ADGB: variants seen among roughly 807,000 people sequenced by gnomAD.
ADGB encodes the protein androglobin.
ADGB carries 172 observed loss-of-function variants against 210.5 expected under a neutral mutation model. That is an observed-to-expected ratio of 0.82 (90% confidence interval 0.72 to 0.93). ADGB has a LOEUF of 0.93. Among genes scored for constraint, ADGB ranks in the 40% least tolerant of loss-of-function variants. ADGB has a pLI of 0.00. For missense variants in ADGB, 2,025 were observed against 1,964.8 expected, an observed-to-expected ratio of 1.03 and a Z score of -0.58; for synonymous variants, 658 against 662.7, an observed-to-expected ratio of 0.99 and a Z score of 0.11.
chr6:146,752,428 A>T, intron 26 of ADGB, 102 bp from the exon 27 acceptor site: 2 of 1,047,298 alleles, frequency 1.9e-6, no homozygotes, highest in South Asian at 3.6e-5. Context: ...TCACAGTTTG[A>T]CAGCAGATTT....
At chr6:146,785,500 A>G in intron 31 of ADGB, 110 bp from the exon 32 acceptor site, 1 of 709,288 alleles carries the variant, frequency 1.4e-6, no homozygotes, top group Non-Finnish European at 2.3e-6. Context: ...TGCCCTATTT[A>G]ATTCACATTT....
At chr6:146,706,936 C>A (rs760981285) in intron 13 of ADGB, among the ~76,000 whole-genome samples, 2 of 130,254 alleles carry the variant, frequency 1.5e-5, no homozygotes, top group African/African-American at 3.0e-5. Flanking sequence ...AGTTTGCTTT[C>A]TTTTTTTCTA....
chr6:146,738,995 C>G (rs937373901), intron 23 of ADGB, among the ~76,000 whole-genome samples: 1 of 152,214 alleles, frequency 6.6e-6, no homozygotes, highest in Non-Finnish European at 1.5e-5. Flanking sequence ...ACTAAATCTT[C>G]CAACTCAGTC....
At chr6:146,718,071 A>G (rs965082702) in intron 16 of ADGB, among the ~76,000 whole-genome samples, 1 of 152,094 alleles carries the variant, frequency 6.6e-6, no homozygotes, top group African/African-American at 2.4e-5. Context: ...GAAATCCTTC[A>G]GAATAGCACA....
intron 12 of ADGB, among the ~76,000 whole-genome samples, chr6:146,698,297 T>C (rs1315365638): frequency 6.6e-6 from 1 of 152,212 alleles, no homozygotes; most frequent in African/African-American, 2.4e-5. Flanking sequence ...GTACCATCGG[T>C]CACACATATA....
At chr6:146,626,732 T>C (rs1396605106) in intron 1 of ADGB, among the ~76,000 whole-genome samples, 1 of 151,982 alleles carries the variant, frequency 6.6e-6, no homozygotes, top group Non-Finnish European at 1.5e-5. Flanking sequence ...TTCCTTGTAT[T>C]GTAACTTGGC....
intron 10 of ADGB, among the ~76,000 whole-genome samples, chr6:146,688,924 G>T (rs1323920001): frequency 6.6e-6 from 1 of 152,132 alleles, no homozygotes; most frequent in Non-Finnish European, 1.5e-5. Flanking sequence ...TTTATTTAAA[G>T]AAGTGGTAAA....
At chr6:146,784,212 A>G (rs1161740150) in intron 30 of ADGB, among the ~76,000 whole-genome samples, 1 of 152,148 alleles carries the variant, frequency 6.6e-6, no homozygotes. Context: ...GTAACAACTG[A>G]TCTTTCAGTC....
intron 29 of ADGB, among the ~76,000 whole-genome samples, chr6:146,781,783 T>C (rs965654932): frequency 1.3e-5 from 2 of 152,204 alleles, no homozygotes; most frequent in African/African-American, 4.8e-5. Context: ...CACAGTCTTA[T>C]AAATGTACCA....
intron 1 of ADGB, among the ~76,000 whole-genome samples, chr6:146,608,685 T>G (rs1780663770): frequency 6.6e-6 from 1 of 152,164 alleles, no homozygotes; most frequent in Non-Finnish European, 1.5e-5. Context: ...TATATGACTT[T>G]TAGAGATCTT....
At position 146,756,382 on chromosome 6, in the gene ADGB, C is replaced by T. The variant is rs188199553; in HGVS notation, c.3550+3668C>T. On this transcript the variant is annotated intron_variant, in intron 27 of 35. Coordinates refer to ENST00000397944, the MANE Select transcript of ADGB (RefSeq NM_024694.4). ...AGTTTTTGGTTTTGATCACTAACGT[C>T]GGGTAAGAATCCCATTTCCAGGGAG... is the stretch of plus-strand genomic sequence containing the variant. Among the ~76,000 whole-genome samples the T allele has an allele frequency of 1.8e-3, 267 of 152,168 alleles. 1 individual carries two copies. The highest frequency in any genetic ancestry group is 6.3e-3 in the African/African-American group (262 of 41,536).
At chr6:146,635,138 T>C (rs1747354657) in intron 1 of ADGB, among the ~76,000 whole-genome samples, 1 of 152,060 alleles carries the variant, frequency 6.6e-6, no homozygotes, top group Admixed American at 6.6e-5. Context: ...TTAAAATTCT[T>C]GCATCAGTAA....
chr6:146,758,909 T>C (rs921898516), intron 27 of ADGB, among the ~76,000 whole-genome samples: 1 of 152,112 alleles, frequency 6.6e-6, no homozygotes, highest in Middle Eastern at 3.4e-3. Context: ...AGAACTATTA[T>C]TGTACATTAG....
At chr6:146,660,486 T>C (rs139053704) in intron 5 of ADGB, among the ~76,000 whole-genome samples, 3 of 152,262 alleles carry the variant, frequency 2.0e-5, no homozygotes, top group Non-Finnish European at 4.4e-5. Flanking sequence ...CATAAAGCTA[T>C]TGTACATAAT....
At chr6:146,609,653 C>A (rs918536873) in intron 1 of ADGB, among the ~76,000 whole-genome samples, 2 of 152,166 alleles carry the variant, frequency 1.3e-5, no homozygotes, top group African/African-American at 4.8e-5. Flanking sequence ...GTAATGAATT[C>A]CCTTAGCATA....
At position 146,762,785 on chromosome 6, in the gene ADGB, T is replaced by C. The variant is rs565228256; in HGVS notation, c.3551-1116T>C. On this transcript the variant is annotated intron_variant, in intron 27 of 35. Coordinates refer to ENST00000397944, the MANE Select transcript of ADGB (RefSeq NM_024694.4). ...AGCTTGGCCTTTCTTGGGTCTCAAC[T>C]GAATGCTCTGCATATTCACTGAATT... Among the ~76,000 whole-genome samples, 3 of 152,252 alleles carry C rather than the reference T, an allele frequency of 2.0e-5. No individual in the cohort carries two copies. The East Asian group carries it at 5.8e-4, about 29-fold the overall frequency.
At chr6:146,676,288 T>G (rs1401594587) in intron 8 of ADGB, 25 bp from the exon 9 acceptor site, 1 of 1,526,892 alleles carries the variant, frequency 6.5e-7, no homozygotes, top group Non-Finnish European at 8.8e-7. Context: ...GTTAAAATAT[T>G]TATTGTGATT....
chr6:146,710,760 T>C (rs556712622), intron 13 of ADGB, among the ~76,000 whole-genome samples: 1 of 152,216 alleles, frequency 6.6e-6, no homozygotes, highest in African/African-American at 2.4e-5. Flanking sequence ...CAGAAGATAA[T>C]CATAAAAAAT....
chr6:146,668,076 TA>T (rs1374236884), intron 7 of ADGB, among the ~76,000 whole-genome samples: 1 of 152,102 alleles, frequency 6.6e-6, no homozygotes, highest in Non-Finnish European at 1.5e-5. Flanking sequence ...TGCTGACTTA[TA>T]ATTTCACGAT....
Sources: gnomAD v4.1 joint callset for allele counts (sites outside exome capture counted in the v4.1 genomes callset) on GRCh38, gnomAD v4.1.1 for gene constraint, MANE v1.5 for transcripts, NCBI Gene and HGNC (gene_info 2026-07-23, HGNC 2026-07-21) for gene names.